Variants in HS6ST2 observed in about 807,000 individuals in gnomAD.
The protein encoded by HS6ST2 is heparan-sulfate 6-O-sulfotransferase 2.
Under a neutral mutation model 33.0 loss-of-function variants are expected in HS6ST2, and 17 were observed. That is an observed-to-expected ratio of 0.52 (90% CI 0.35 to 0.77). The LOEUF (loss-of-function observed/expected upper bound fraction) is 0.77, where lower values mean the gene tolerates loss of function less well. Among genes scored for constraint, HS6ST2 ranks in the 30% least tolerant of loss-of-function variants. HS6ST2 has a pLI of 0.01. For synonymous variants in HS6ST2, 248 were observed against 237.1 expected, an observed-to-expected ratio of 1.05 and a Z score of -0.42; for missense variants, 519 against 551.7, an observed-to-expected ratio of 0.94 and a Z score of 0.59.
intron 2 of HS6ST2, among the ~76,000 whole-genome samples, chrX:132,796,241 A>T (rs1340056230): frequency 1.8e-5 from 2 of 112,065 alleles, no homozygotes; most frequent in East Asian, 5.6e-4. Flanking sequence ...TTGCCTATGG[A>T]TCTGCAAATC....
chrX:132,771,037 G>A (rs2064893477), intron 2 of HS6ST2, among the ~76,000 whole-genome samples: 1 of 111,488 alleles, frequency 9.0e-6, no homozygotes, highest in Non-Finnish European at 1.9e-5. Context: ...TACGATGTAT[G>A]GTGAGTAAGA....
chrX:132,675,751 A>C (rs1239038561), intron 3 of HS6ST2, among the ~76,000 whole-genome samples: 1 of 111,984 alleles, frequency 8.9e-6, no homozygotes, highest in Non-Finnish European at 1.9e-5. Flanking sequence ...CTTGCAGTTC[A>C]CATCTTTTCT....
chrX:132,660,811 A>C (rs858615), intron 4 of HS6ST2, among the ~76,000 whole-genome samples: 14,552 of 111,702 alleles, frequency 0.13, 776 homozygotes, highest in African/African-American at 0.17. Context: ...CCGTTCTCAC[A>C]CTGCCATAAA....
intron 2 of HS6ST2, among the ~76,000 whole-genome samples, chrX:132,931,941 C>T (rs1189288226): frequency 9.1e-6 from 1 of 109,419 alleles, no homozygotes; most frequent in Non-Finnish European, 1.9e-5. Context: ...AATCCCAGCA[C>T]TTTGGGAGCC....
At chrX:132,649,244 C>T (rs749837583) in intron 4 of HS6ST2, among the ~76,000 whole-genome samples, 16 of 111,832 alleles carry the variant, frequency 1.4e-4, no homozygotes, top group African/African-American at 5.2e-4. Flanking sequence ...GGAGTGGAGG[C>T]TTTGGTGGCA....
At position 132,956,964 on chromosome X, in the gene HS6ST2, T is replaced by C; in HGVS notation, c.791A>G (p.Lys264Arg). Residue 264 changes from lysine to arginine, a missense_variant, in exon 2 of 5, where the codon AAA becomes AGA. Transcript: ENST00000370833. ...QPCECRVGQK[K>R]CTCHRPGKRE... ...CTTACCCGGCCGGTGGCAAGTGCATTTCTTCTGACCCACGCGGCACTCGCA... is the reference window on the plus strand; with the variant it reads ...CTTACCCGGCCGGTGGCAAGTGCATCTCTTCTGACCCACGCGGCACTCGCA... 1 of 1,209,978 alleles carries C rather than the reference T, an allele frequency of 8.3e-7. No homozygotes were observed. Among genetic ancestry groups the C allele is most frequent in the Non-Finnish European group, 1.1e-6 (1 of 894,587 alleles).
chrX:132,897,852 T>A (rs1268492854), intron 2 of HS6ST2, among the ~76,000 whole-genome samples: 1 of 111,744 alleles, frequency 8.9e-6, no homozygotes, highest in African/African-American at 3.3e-5. Flanking sequence ...AGTCACTTTA[T>A]TTCTGTTGCT....
At position 132,763,162 on chromosome X, in the gene HS6ST2, C is replaced by T. The variant is rs773327276; in HGVS notation, c.948-54668G>A. 4.5e-5 allele frequency among the ~76,000 whole-genome samples: 5 copies of T among 111,851 alleles called. No homozygotes were observed. In the East Asian group the frequency reaches 1.4e-3, roughly 32 times the overall value. ...GAGCACCTCAGGATGATGGAAAGAC[C>T]GGACTAGAAGCCATGGGTTCAAGCC... On this transcript the variant is annotated intron_variant, in intron 2 of 4. Coordinates refer to ENST00000370833, the MANE Select transcript of HS6ST2 (RefSeq NM_001394073.1).
chrX:132,707,109 C>T lies in HS6ST2; in HGVS notation c.980+1353G>A, dbSNP rs575686304. On this transcript the variant is annotated intron_variant, in intron 3 of 4. Coordinates refer to ENST00000370833, the MANE Select transcript of HS6ST2 (RefSeq NM_001394073.1). ...TTTAAAGCAAAAAGAAAACAAAATT[C>T]TCAAGACTTCCCCATAAAAGCTATT... is the stretch of plus-strand genomic sequence containing the variant. Among the ~76,000 whole-genome samples, 218 of 112,282 alleles carry T rather than the reference C, an allele frequency of 1.9e-3. 7 individuals are homozygous for T. The South Asian group carries it at 0.079, about 41-fold the overall frequency.
chrX:132,675,043 G>A (rs2063913433), intron 3 of HS6ST2, among the ~76,000 whole-genome samples: 2 of 111,701 alleles, frequency 1.8e-5, no homozygotes, highest in Non-Finnish European at 3.8e-5. Context: ...TCACTGAGAA[G>A]GTTTGCAAGT....
intron 2 of HS6ST2, among the ~76,000 whole-genome samples, chrX:132,811,278 T>C (rs2065340262): frequency 9.0e-6 from 1 of 111,099 alleles, no homozygotes; most frequent in South Asian, 3.9e-4. Context: ...GCCACTACTC[T>C]AGGTTACGAA....
rs200784395 is a variant in HS6ST2, at chrX:132,724,137, AAAAAGAAAAGAAAAG to A, written c.948-15658_948-15644del. Among the ~76,000 whole-genome samples, 948 of 104,054 alleles carry A rather than the reference AAAAAGAAAAGAAAAG, an allele frequency of 9.1e-3. 8 individuals are homozygous for A. The highest frequency in any genetic ancestry group is 0.012 in the Non-Finnish European group (633 of 51,252). 90.4% of individuals were successfully genotyped at this position (104,054 alleles called of 115,157 possible). Reference sequence around the variant, plus strand: ...TGGTGACAAAGCAAGACTCCATTTCAAAAAGAAAAGAAAAGAAAAGAAAAGAAAAGAAAAGAAAGA... The same window carrying A: ...TGGTGACAAAGCAAGACTCCATTTCAAAAAGAAAAGAAAAGAAAAGAAAGA... On this transcript the variant is annotated intron_variant, in intron 2 of 4. Transcript: ENST00000370833.
Position 132,958,370 on chromosome X carries a change from A to T in HS6ST2, c.233T>A (p.Leu78Gln). The T allele has an allele frequency of 8.3e-7, 1 of 1,199,307 alleles. No homozygotes were observed. Among genetic ancestry groups the T allele is most frequent in the Non-Finnish European group, 1.1e-6 (1 of 893,250 alleles). ...LDKPRKASSS[L>Q]AGAACAPLFA... ...AAGCGGGGCGCACGCGGCTCCCGCC[A>T]GGGAAGAAGACGCCTTTCGGGGCTT... is the stretch of plus-strand genomic sequence containing the variant. Residue 78 changes from leucine (L) to glutamine (Q), a missense_variant, in exon 1 of 5, where the codon CTG (leucine) becomes CAG (glutamine). Leu to Gln is a moderately radical substitution (Grantham distance 113). Transcript: ENST00000370833.
rs769612538 is a variant in HS6ST2, at chrX:132,744,478, C to T, written c.948-35984G>A. ...TATCTTTTTTACTCAAATGTGGTTC[C>T]AATAGCTTGTGTCAACTGGGCTCCA... On this transcript the variant is annotated intron_variant, in intron 2 of 4. Transcript: ENST00000370833. Among the ~76,000 whole-genome samples, 156 of 112,114 alleles carry T rather than the reference C, an allele frequency of 1.4e-3. 1 individual carries two copies. The highest frequency in any genetic ancestry group is 4.8e-3 in the African/African-American group (149 of 30,904).
intron 2 of HS6ST2, among the ~76,000 whole-genome samples, chrX:132,821,437 C>T (rs1292667322): frequency 1.8e-5 from 2 of 109,713 alleles, no homozygotes; most frequent in African/African-American, 6.7e-5. Context: ...TGGTCTTGAT[C>T]TCCTGACCTT....
intron 2 of HS6ST2, among the ~76,000 whole-genome samples, chrX:132,740,255 T>C (rs1280872691): frequency 1.8e-5 from 2 of 112,769 alleles, no homozygotes; most frequent in South Asian, 3.7e-4. Flanking sequence ...ACAAGTGAAG[T>C]TGATTTTTTG....
intron 2 of HS6ST2, among the ~76,000 whole-genome samples, chrX:132,953,512 C>T (rs2067037585): frequency 9.0e-6 from 1 of 111,693 alleles, no homozygotes; most frequent in South Asian, 3.8e-4. Context: ...AGAGTCTTGG[C>T]TTGCAGCCAC....
chrX:132,657,108 C>T (rs2063735764), intron 4 of HS6ST2, among the ~76,000 whole-genome samples: 1 of 111,674 alleles, frequency 9.0e-6, no homozygotes, highest in Non-Finnish European at 1.9e-5. Flanking sequence ...GACAATATGC[C>T]TTTTCCTTGG....
intron 2 of HS6ST2, among the ~76,000 whole-genome samples, chrX:132,944,593 A>C (rs1313972244): frequency 9.0e-6 from 1 of 111,729 alleles, no homozygotes; most frequent in Non-Finnish European, 1.9e-5. Context: ...ACGCTACCTG[A>C]CTTCAAACTA....
Sources: allele counts gnomAD v4.1 joint callset (sites outside exome capture counted in the v4.1 genomes callset), GRCh38; gene constraint gnomAD v4.1.1; transcripts MANE v1.5; gene names NCBI Gene and HGNC (gene_info 2026-07-23, HGNC 2026-07-21).